Variants in PREP observed in about 807,000 individuals in gnomAD.
PREP encodes prolyl endopeptidase.
A neutral mutation model predicts 87.6 loss-of-function variants in PREP; 29 were observed. That is an observed-to-expected ratio of 0.33 (90% CI 0.25 to 0.45). PREP has a LOEUF of 0.45. Among genes scored for constraint, PREP ranks in the 20% least tolerant of loss-of-function variants. The probability of loss-of-function intolerance (pLI) is 1.00; values close to 1 mark genes in which losing one functional copy is unlikely to be tolerated. For synonymous variants in PREP, 337 were observed against 328.6 expected (o/e 1.03, Z -0.28); for missense variants, 695 against 886.5 (o/e 0.78, Z 2.74).
intron 7 of PREP, 63 bp from the exon 8 acceptor site, chr6:105,333,568 G>A (rs552363133): frequency 2.3e-4 from 343 of 1,500,690 alleles, no homozygotes; most frequent in Non-Finnish European, 3.0e-4. Context: ...TGCTTTGTGT[G>A]TAGGGAGGGG....
chr6:105,333,529 A>T (rs1771396590), intron 7 of PREP, 24 bp from the exon 8 acceptor site: 1 of 1,605,484 alleles, frequency 6.2e-7, no homozygotes, highest in Non-Finnish European at 8.5e-7. Flanking sequence ...AAGCATTCTC[A>T]TCATCTCTCT....
chr6:105,373,864 T>C (rs1013884825), intron 4 of PREP, among the ~76,000 whole-genome samples: 3 of 152,236 alleles, frequency 2.0e-5, no homozygotes, highest in African/African-American at 7.2e-5. Context: ...ATTTTTATAA[T>C]GCAATAGGCA....
At chr6:105,380,978 C>G (rs545006593) in intron 2 of PREP, among the ~76,000 whole-genome samples, 3 of 152,314 alleles carry the variant, frequency 2.0e-5, no homozygotes, top group East Asian at 3.9e-4. Flanking sequence ...ATAATTACAA[C>G]TACTGCAACA....
chr6:105,391,578 T>C (rs1358330839), intron 2 of PREP, among the ~76,000 whole-genome samples: 2 of 152,082 alleles, frequency 1.3e-5, no homozygotes, highest in East Asian at 3.9e-4. Context: ...TTGAAGAAAA[T>C]AGTTTATGCT....
intron 7 of PREP, among the ~76,000 whole-genome samples, chr6:105,335,928 C>T (rs2114662201): frequency 6.6e-6 from 1 of 152,208 alleles, no homozygotes. Context: ...AAGTAACTAT[C>T]AGTACCTTCC....
At chr6:105,338,871 C>A (rs547494924) in intron 7 of PREP, among the ~76,000 whole-genome samples, 8 of 152,190 alleles carry the variant, frequency 5.3e-5, no homozygotes, top group African/African-American at 1.7e-4. Flanking sequence ...AGCTTGAGTA[C>A]GTAAACAAAG....
intron 5 of PREP, among the ~76,000 whole-genome samples, chr6:105,369,487 T>C (rs1384773495): frequency 6.6e-6 from 1 of 152,190 alleles, no homozygotes; most frequent in East Asian, 1.9e-4. Context: ...AAAGGCAAAA[T>C]ATACTGACTA....
At chr6:105,389,793 G>C (rs1773092142) in intron 2 of PREP, among the ~76,000 whole-genome samples, 1 of 152,098 alleles carries the variant, frequency 6.6e-6, no homozygotes, top group South Asian at 2.1e-4. Context: ...ACATGATCCA[G>C]GCAGTCCTAG....
intron 7 of PREP, among the ~76,000 whole-genome samples, chr6:105,343,445 A>G (rs1771714942): frequency 6.6e-6 from 1 of 152,224 alleles, no homozygotes. Flanking sequence ...CCTAGGCAAT[A>G]CCATTCAGGA....
rs1364511558 is a variant in PREP at position 105,375,014 on chromosome 6, A to G, written c.385+1111T>C. ...GAAACTAAATGAATTCCTATATGGG[A>G]TATGTTACTTCAACAGAACCAGTGT... On this transcript the variant is annotated intron_variant, in intron 4 of 14. Coordinates refer to ENST00000652536, the MANE Select transcript of PREP (RefSeq NM_002726.5). Among the ~76,000 whole-genome samples the G allele has an allele frequency of 2.0e-5, 3 of 152,076 alleles. No homozygotes were observed. The East Asian group carries it at 5.8e-4, about 29-fold the overall frequency.
intron 7 of PREP, among the ~76,000 whole-genome samples, chr6:105,352,385 T>C (rs1159596875): frequency 6.6e-6 from 1 of 152,202 alleles, no homozygotes; most frequent in Non-Finnish European, 1.5e-5. Context: ...CTTATCATGA[T>C]ATGTAAGGCT....
chr6:105,339,674 A>C (rs1771583144), intron 7 of PREP, among the ~76,000 whole-genome samples: 1 of 152,230 alleles, frequency 6.6e-6, no homozygotes, highest in African/African-American at 2.4e-5. Flanking sequence ...CAGAATAAAC[A>C]GTGTAGAGAA....
At chr6:105,309,185 A>G (rs1168380959) in intron 10 of PREP, among the ~76,000 whole-genome samples, 1 of 152,096 alleles carries the variant, frequency 6.6e-6, no homozygotes, top group African/African-American at 2.4e-5. Flanking sequence ...CTGGCAGCCA[A>G]ATGTGATCAC....
intron 10 of PREP, among the ~76,000 whole-genome samples, chr6:105,294,471 A>C (rs1353083858): frequency 1.3e-5 from 2 of 152,216 alleles, no homozygotes; most frequent in East Asian, 3.8e-4. Context: ...GTAACAGTGA[A>C]ACCTGTCCAG....
chr6:105,279,449 C>T (rs1770024572), intron 14 of PREP, among the ~76,000 whole-genome samples: 1 of 152,116 alleles, frequency 6.6e-6, no homozygotes, highest in African/African-American at 2.4e-5. Flanking sequence ...TTTGGAAAAC[C>T]CTGCCTGTTA....
In PREP at chr6:105,277,358, C is replaced by A. The variant is rs574020858; in HGVS notation, c.*786G>T. On this transcript the variant is annotated 3_prime_UTR_variant, in exon 15 of 15. Coordinates refer to ENST00000652536, the MANE Select transcript of PREP (RefSeq NM_002726.5). ...CCTTGGATCCAAGGAACTCTGATTTCTAGGAATACTTTGTAAACAAATCAA... is the reference window on the plus strand; with the variant it reads ...CCTTGGATCCAAGGAACTCTGATTTATAGGAATACTTTGTAAACAAATCAA... Among the ~76,000 whole-genome samples, 71 of 152,122 alleles carry A rather than the reference C, an allele frequency of 4.7e-4. 1 individual carries two copies. The South Asian group carries it at 0.014, about 29-fold the overall frequency.
At chr6:105,386,549 T>C (rs1046256121) in intron 2 of PREP, among the ~76,000 whole-genome samples, 9 of 151,954 alleles carry the variant, frequency 5.9e-5, no homozygotes, top group Admixed American at 6.5e-5. Context: ...TTTCCCCCAA[T>C]GAAAAAAATT....
Position 105,278,247 on chromosome 6 carries a change from T to C in PREP, c.2030A>G (p.Lys677Arg), listed in dbSNP as rs771250858. The C allele has an allele frequency of 1.2e-6, 2 of 1,614,200 alleles. No individual in the cohort carries two copies. The highest frequency in any genetic ancestry group is 2.2e-5 in the South Asian group (2 of 91,084). ...SNPLLIHVDT[K>R]AGHGAGKPTA... ...GGGCTTCCCCGCCCCGTGGCCCGCCTTGGTGTCCACGTGGATAAGCAGGGG... is the reference window on the plus strand; with the variant it reads ...GGGCTTCCCCGCCCCGTGGCCCGCCCTGGTGTCCACGTGGATAAGCAGGGG... The change falls in exon 15 of 15, where the codon AAG becomes AGG. Residue 677 changes from lysine to arginine, a missense_variant. Transcript: ENST00000652536. This position sits in a 1 kb window ranked among gnomAD's most constrained non-coding sequence, Gnocchi z 4.2.
chr6:105,344,798 T>C (rs1771755282), intron 7 of PREP, among the ~76,000 whole-genome samples: 1 of 152,222 alleles, frequency 6.6e-6, no homozygotes, highest in African/African-American at 2.4e-5. Flanking sequence ...CTGCACGTTG[T>C]GCACATGTAC....
Sources: allele counts gnomAD v4.1 joint callset (sites outside exome capture counted in the v4.1 genomes callset), GRCh38; gene constraint gnomAD v4.1.1; non-coding constraint Gnocchi (gnomAD v3.1); transcripts MANE v1.5; gene names NCBI Gene and HGNC (gene_info 2026-07-23, HGNC 2026-07-21).